The following BCAP29 variants were observed in gnomAD, a reference collection of about 807,000 sequenced individuals.
BCAP29 encodes B cell receptor associated protein 29, also known as B-cell receptor-associated protein 29.
Under a neutral mutation model 31.8 loss-of-function variants are expected in BCAP29, and 34 were observed. That is an observed-to-expected ratio of 1.07 (90% confidence interval 0.81 to 1.42). BCAP29 has a LOEUF of 1.42. Ranked by LOEUF, BCAP29 falls within the 40% of genes most tolerant of loss-of-function variation. BCAP29 has a pLI of 0.00. For synonymous variants in BCAP29, 104 were observed against 91.3 expected (o/e 1.14, Z -0.79); for missense variants, 314 against 269.2 (o/e 1.17, Z -1.16).
Position 107,620,032 on chromosome 7 carries a change from T to TATA in BCAP29, c.*1669_*1670insATA, listed in dbSNP as rs1410031098. ...CAGTGATTCTCAAAGTTGTTCAGACTGTATAGTAAGGAGAAAGTCTGGTTG... is the reference window on the plus strand; with the variant it reads ...CAGTGATTCTCAAAGTTGTTCAGACTATAGTATAGTAAGGAGAAAGTCTGGTTG... On this transcript the variant is annotated 3_prime_UTR_variant, in exon 8 of 8. Transcript: ENST00000005259. The TATA allele has an allele frequency of 6.6e-6, 1 of 152,226 alleles. No individual in the cohort carries two copies. Among genetic ancestry groups the TATA allele is most frequent in the East Asian group, 1.9e-4 (1 of 5,200 alleles). The allele number at this position is 152,226 out of a possible 1,614,324, so 9.4% of individuals were successfully genotyped here. A position where few individuals can be genotyped will look rare whatever the true frequency, so the allele number is the denominator to read the frequency against.
At chr7:107,603,799 G>C (rs1183905014) in intron 6 of BCAP29, among the ~76,000 whole-genome samples, 2 of 151,588 alleles carry the variant, frequency 1.3e-5, no homozygotes, top group African/African-American at 4.8e-5. Flanking sequence ...TAAAGACAGG[G>C]TCTCGCTTTG....
rs149164168 is a variant in BCAP29, at chr7:107,596,251, T to C, written c.480+249T>C. On this transcript the variant is annotated intron_variant, in intron 5 of 7. Transcript: ENST00000005259. ...AGTGGATTTATACCATTGGACCTAT[T>C]TTCTGTGATTTAAGGAGAAAATAGT... 9.5e-3 allele frequency among the ~76,000 whole-genome samples: 1,442 copies of C among 152,328 alleles called. 19 individuals carry two copies. Among genetic ancestry groups the C allele is most frequent in the Middle Eastern group, 0.027 (8 of 294 alleles).
At chr7:107,610,268 G>A (rs771739233) in intron 6 of BCAP29, among the ~76,000 whole-genome samples, 3 of 152,134 alleles carry the variant, frequency 2.0e-5, no homozygotes, top group Non-Finnish European at 4.4e-5. Flanking sequence ...AAATATCTCA[G>A]TATTTCCATA....
chr7:107,587,117 G>A (rs1807847522), intron 3 of BCAP29, among the ~76,000 whole-genome samples: 1 of 152,176 alleles, frequency 6.6e-6, no homozygotes. Context: ...GCATGTGTGT[G>A]TATTTTAGGT....
At chr7:107,593,055 G>C (rs1231569118) in intron 3 of BCAP29, among the ~76,000 whole-genome samples, 2 of 152,104 alleles carry the variant, frequency 1.3e-5, no homozygotes, top group Non-Finnish European at 2.9e-5. Context: ...AAATTTTTAT[G>C]GTATGTGAAT....
Position 107,580,467 on chromosome 7 carries a change from C to T in BCAP29, c.-15+166C>T. The T allele has an allele frequency of 9.9e-6, 3 of 303,296 alleles. No individual in the cohort carries two copies. In the South Asian group the frequency reaches 1.3e-4, roughly 13 times the overall value. The allele number at this position is 303,296 out of a possible 1,614,324, so 18.8% of individuals were successfully genotyped here. A position where few individuals can be genotyped will look rare whatever the true frequency, so the allele number is the denominator to read the frequency against. On this transcript the variant is annotated intron_variant, in intron 1 of 7. Coordinates refer to ENST00000005259, the MANE Select transcript of BCAP29 (RefSeq NM_018844.4). ...CGGCGCCTTCTGGGAGCGGGAGGGC[C>T]GGGAAGCCGGGCGTTGGTGGAGGGA...
chr7:107,612,394 TATATATATATATATATATA>T (rs1563141221), intron 6 of BCAP29, among the ~76,000 whole-genome samples: 31 of 9,302 alleles, frequency 3.3e-3, no homozygotes, highest in Non-Finnish European at 4.6e-3. Context: ...TATTGTTTTA[TATATATATATATATATATA>T]TATATATATA....
At chr7:107,603,982 C>G (rs968371280) in intron 6 of BCAP29, among the ~76,000 whole-genome samples, 51 of 152,006 alleles carry the variant, frequency 3.4e-4, no homozygotes, top group African/African-American at 1.2e-3. Flanking sequence ...TTAACACTTT[C>G]CTTAAAAAGT....
chr7:107,613,455 G>C (rs780858398), intron 7 of BCAP29, 23 bp downstream of exon 7: 31 of 1,524,844 alleles, frequency 2.0e-5, no homozygotes, highest in Admixed American at 5.3e-5. Flanking sequence ...TGCACTTTAT[G>C]CACCTAAATG....
chr7:107,618,220 TTC>T (rs2129297419), intron 7 of BCAP29, 106 bp from the exon 8 acceptor site: 4 of 710,566 alleles, frequency 5.6e-6, no homozygotes, highest in Non-Finnish European at 8.7e-6. Context: ...CATTTAATTA[TTC>T]TCATAAGTAT....
chr7:107,591,494 A>G (rs1015367735), intron 3 of BCAP29, among the ~76,000 whole-genome samples: 3 of 152,062 alleles, frequency 2.0e-5, no homozygotes, highest in African/African-American at 7.2e-5. Context: ...TCTTCCCTGG[A>G]TCTCCAGACT....
At chr7:107,607,865 C>T (rs533961457) in intron 6 of BCAP29, among the ~76,000 whole-genome samples, 7 of 152,138 alleles carry the variant, frequency 4.6e-5, no homozygotes, top group African/African-American at 1.7e-4. Flanking sequence ...GTCTTGAACT[C>T]CTGACCTGGT....
intron 4 of BCAP29, among the ~76,000 whole-genome samples, chr7:107,594,856 A>C (rs1809527730): frequency 6.6e-6 from 1 of 152,094 alleles, no homozygotes; most frequent in African/African-American, 2.4e-5. Context: ...TACCCAAATA[A>C]CAAACAGTAG....
Position 107,580,811 on chromosome 7 carries a change from T to A in BCAP29, c.39T>A (p.Tyr13Ter). 6.3e-7 allele frequency: 1 copy of A among 1,594,560 alleles called. No homozygotes were observed. The highest frequency in any genetic ancestry group is 8.5e-7 in the Non-Finnish European group (1 of 1,172,090). ...LQWAAVATFL[Y>*]AEIGLILIFC... ...GGGCTGCAGTGGCAACCTTTCTTTA[T>A]GCCGAAATAGGACTCATTTTAATCT... The change falls in exon 2 of 8, where the codon TAT becomes TAA. Residue 13 changes from tyrosine to a stop codon, truncating the protein, a stop_gained. Coordinates refer to ENST00000005259, the MANE Select transcript of BCAP29 (RefSeq NM_018844.4). LOFTEE classifies it high-confidence loss of function.
rs527386347 is a variant in BCAP29 at position 107,580,399 on chromosome 7, G to A, written c.-15+98G>A. 201 of 222,014 alleles carry A rather than the reference G, an allele frequency of 9.1e-4. 1 individual carries two copies. The highest frequency in any genetic ancestry group is 3.3e-3 in the South Asian group (52 of 15,780). The allele number at this position is 222,014 out of a possible 1,614,324, so 13.8% of individuals were successfully genotyped here. Reference sequence around the variant, plus strand: ...GAACCCCGCGGAGCTGGCCTGGCCCGACCCGGCCCGGCCCGGTCCGCGGCG... The same window carrying A: ...GAACCCCGCGGAGCTGGCCTGGCCCAACCCGGCCCGGCCCGGTCCGCGGCG... On this transcript the variant is annotated intron_variant, in intron 1 of 7. Coordinates refer to ENST00000005259, the MANE Select transcript of BCAP29 (RefSeq NM_018844.4).
chr7:107,616,552 A>G (rs1450004522), intron 7 of BCAP29, among the ~76,000 whole-genome samples: 1 of 152,180 alleles, frequency 6.6e-6, no homozygotes, highest in Non-Finnish European at 1.5e-5. Flanking sequence ...AAAGGTTGTA[A>G]TACCTTATGA....
At chr7:107,582,590 C>T (rs138717078) in intron 2 of BCAP29, among the ~76,000 whole-genome samples, 2,145 of 152,204 alleles carry the variant, frequency 0.014, 51 homozygotes, top group African/African-American at 0.05. Context: ...GATCTGTTTC[C>T]CCATCTGTAA....
Position 107,613,309 on chromosome 7 carries a change from TAAAAC to T in BCAP29, c.590-22_590-18del. On this transcript the variant is annotated intron_variant, in intron 6 of 7. Coordinates refer to ENST00000005259, the MANE Select transcript of BCAP29 (RefSeq NM_018844.4). ...ATTTGAAATTATTCTGAAATAAAAATAAAACTATTCGATATTTTCTAGCCCTTTCT... is the reference window on the plus strand; with the variant it reads ...ATTTGAAATTATTCTGAAATAAAAATTATTCGATATTTTCTAGCCCTTTCT... The T allele has an allele frequency of 1.3e-6, 2 of 1,531,160 alleles. No individual in the cohort carries two copies. Among genetic ancestry groups the T allele is most frequent in the Non-Finnish European group, 1.8e-6 (2 of 1,115,732 alleles). The allele number at this position is 1,531,160 out of a possible 1,614,324, so 94.8% of individuals were successfully genotyped here.
rs774953959 is a variant in BCAP29, at chr7:107,613,651, C to G, written c.690+219C>G. 2.5e-6 allele frequency: 4 copies of G among 1,604,332 alleles called. 1 individual carries two copies. The highest frequency in any genetic ancestry group is 2.9e-5 in the African/African-American group (2 of 69,328). ...AAGGAATTGCTGACTTGCATACTTA[C>G]AGCATTCCAGTTTTGGTGAATTTTT... On this transcript the variant is annotated intron_variant, in intron 7 of 7. Transcript: ENST00000005259.
Sources: allele counts gnomAD v4.1 joint callset (sites outside exome capture counted in the v4.1 genomes callset), GRCh38; gene constraint gnomAD v4.1.1; transcripts MANE v1.5; gene names NCBI Gene and HGNC (gene_info 2026-07-23, HGNC 2026-07-21).